Variants in ALDH1A2 observed in about 807,000 individuals in gnomAD.
The protein encoded by ALDH1A2 is retinal dehydrogenase 2.
In ALDH1A2, 27 loss-of-function variants were observed where a neutral mutation model predicts 60.3. The observed-to-expected ratio is 0.45, with a 90% CI of 0.33 to 0.62. ALDH1A2 has a LOEUF of 0.62. Among genes scored for constraint, ALDH1A2 ranks in the 20% least tolerant of loss-of-function variants. ALDH1A2 has a pLI of 0.02. For synonymous variants in ALDH1A2, 289 were observed against 232.4 expected (o/e 1.24, Z -2.21); for missense variants, 581 against 643.8 (o/e 0.90, Z 1.06).
chr15:58,052,673 A>G lies in ALDH1A2; in HGVS notation c.117+12861T>C, dbSNP rs191585986. ...GTTATTTTGTTCATTCGCTAATTCA[A>G]TAAGTATTTATTCAATGCCTGCATA... On this transcript the variant is annotated intron_variant, in intron 1 of 12. Coordinates refer to ENST00000249750, the MANE Select transcript of ALDH1A2 (RefSeq NM_003888.4). Among the ~76,000 whole-genome samples, 110 of 152,278 alleles carry G rather than the reference A, an allele frequency of 7.2e-4. 2 individuals carry two copies. The highest frequency in any genetic ancestry group is 5.8e-3 in the Admixed American group (88 of 15,298).
At chr15:58,060,648 T>C (rs1025425694) in intron 1 of ALDH1A2, among the ~76,000 whole-genome samples, 2 of 152,104 alleles carry the variant, frequency 1.3e-5, no homozygotes, top group African/African-American at 2.4e-5. Context: ...GGCATGCAAG[T>C]TTTTTCTAAA....
intron 7 of ALDH1A2, among the ~76,000 whole-genome samples, chr15:57,976,811 C>G (rs779766217): frequency 4.6e-5 from 7 of 152,168 alleles, no homozygotes; most frequent in Admixed American, 1.3e-4. Context: ...AATGGTATTT[C>G]TAGTTCTAGA....
rs187799039 is a variant in ALDH1A2 at position 58,019,812 on chromosome 15, T to A, written c.118-5531A>T. Among the ~76,000 whole-genome samples, 9 of 152,254 alleles carry A rather than the reference T, an allele frequency of 5.9e-5. No homozygotes were observed. The East Asian group carries it at 9.6e-4, about 16-fold the overall frequency. On this transcript the variant is annotated intron_variant, in intron 1 of 12. Transcript: ENST00000249750. ...AGAGAGGAAATGAATCACTTTCTTTTTTATTATTATTTTTTAAATGTTATT... is the reference window on the plus strand; with the variant it reads ...AGAGAGGAAATGAATCACTTTCTTTATTATTATTATTTTTTAAATGTTATT...
chr15:58,038,773 T>C (rs1276966765), intron 1 of ALDH1A2, among the ~76,000 whole-genome samples: 1 of 151,800 alleles, frequency 6.6e-6, no homozygotes, highest in Non-Finnish European at 1.5e-5. Context: ...TGGTTAATGT[T>C]CATTTCTTCC....
intron 1 of ALDH1A2, chr15:58,038,404 C>T (rs1441780153): frequency 6.6e-6 from 1 of 151,734 alleles, no homozygotes; most frequent in Non-Finnish European, 1.5e-5. Flanking sequence ...CATAAAAACA[C>T]ACCCAAATAA....
At chr15:58,014,413 A>C (rs1399371415) in intron 1 of ALDH1A2, 132 bp from the exon 2 acceptor site, 1 of 812,104 alleles carries the variant, frequency 1.2e-6, no homozygotes, top group African/African-American at 1.7e-5. Context: ...AAGTGTTTTA[A>C]GAGACCCTTC....
At chr15:58,029,458 A>G (rs1188985621) in intron 1 of ALDH1A2, among the ~76,000 whole-genome samples, 2 of 152,096 alleles carry the variant, frequency 1.3e-5, no homozygotes, top group Admixed American at 1.3e-4. Context: ...ATCTAAACTC[A>G]ACCCCCTAAC....
intron 1 of ALDH1A2, among the ~76,000 whole-genome samples, chr15:58,053,630 A>C (rs750813478): frequency 7.9e-5 from 12 of 152,116 alleles, no homozygotes; most frequent in African/African-American, 4.8e-5. Context: ...GAGTTCCAAA[A>C]ATCACTGTTT....
At chr15:57,964,424 C>T in intron 8 of ALDH1A2, 1 of 214,852 alleles carries the variant, frequency 4.7e-6, no homozygotes, top group Non-Finnish European at 9.4e-6. Context: ...AGGAAAGCCA[C>T]TACATTTAAT....
rs1402162112 is a variant in ALDH1A2, at chr15:57,981,313, CACACACACACACACAG to C, written c.798+11376_798+11391del. ...AAACACACACACACACACACACACA[CACACACACACACACAG>C]ACACACACAAACACTGACTGGTAGC... On this transcript the variant is annotated intron_variant, in intron 7 of 12. Coordinates refer to ENST00000249750, the MANE Select transcript of ALDH1A2 (RefSeq NM_003888.4). Among the ~76,000 whole-genome samples, 556 of 151,470 alleles carry C rather than the reference CACACACACACACACAG, an allele frequency of 3.7e-3. 2 individuals carry two copies. The highest frequency in any genetic ancestry group is 0.013 in the African/African-American group (530 of 41,052).
At chr15:58,021,012 T>C (rs1391406090) in intron 1 of ALDH1A2, among the ~76,000 whole-genome samples, 2 of 152,184 alleles carry the variant, frequency 1.3e-5, no homozygotes, top group African/African-American at 4.8e-5. Flanking sequence ...TAATAAAGCT[T>C]CCAATTTTAG....
intron 7 of ALDH1A2, among the ~76,000 whole-genome samples, chr15:57,973,696 T>A (rs1457414692): frequency 6.6e-6 from 1 of 152,230 alleles, no homozygotes; most frequent in Admixed American, 6.5e-5. Flanking sequence ...CCGCTCTCCC[T>A]TAAGTCCTTT....
intron 7 of ALDH1A2, chr15:57,990,488 A>C (rs1297335547): frequency 2.0e-5 from 3 of 152,232 alleles, no homozygotes; most frequent in Non-Finnish European, 2.9e-5. Context: ...TATTCTATGC[A>C]GCTGTTAAAA....
At chr15:58,059,108 A>G (rs1224558125) in intron 1 of ALDH1A2, among the ~76,000 whole-genome samples, 2 of 152,250 alleles carry the variant, frequency 1.3e-5, no homozygotes. Context: ...TCTTAAAGGC[A>G]GACAGTAGAG....
At position 58,010,687 on chromosome 15, in the gene ALDH1A2, C is replaced by T; in HGVS notation, c.455G>A (p.Gly152Asp). The change falls in exon 4 of 13, where the codon GGC (glycine) becomes GAC (aspartate). Residue 152 changes from glycine to aspartate, a missense_variant. This residue lies in a region of ALDH1A2 where 375 missense variants were observed against 469.7 expected (regional missense o/e 0.80). Transcript: ENST00000249750. ...CATCCCATGAATTTTATCAGCCCAG[C>T]CTGCGTAATATCGAAAGGTTTTGAT... ...GVIKTFRYYA[G>D]WADKIHGMTI... is the part of the protein sequence containing the mutation. 6.2e-7 allele frequency: 1 copy of T among 1,613,490 alleles called. No individual in the cohort carries two copies. Among genetic ancestry groups the T allele is most frequent in the South Asian group, 1.1e-5 (1 of 91,058 alleles).
intron 7 of ALDH1A2, among the ~76,000 whole-genome samples, chr15:57,976,508 C>T (rs1894263769): frequency 6.6e-6 from 1 of 152,258 alleles, no homozygotes; most frequent in South Asian, 2.1e-4. Flanking sequence ...TGAATGAGAA[C>T]ATATGGTGTT....
intron 12 of ALDH1A2, among the ~76,000 whole-genome samples, chr15:57,955,899 A>T (rs1202325619): frequency 6.6e-6 from 1 of 151,648 alleles, no homozygotes; most frequent in African/African-American, 2.4e-5. Context: ...CCCTTATCTA[A>T]TCTATTTCAT....
intron 1 of ALDH1A2, among the ~76,000 whole-genome samples, chr15:58,035,045 T>A (rs891200653): frequency 2.6e-5 from 4 of 151,724 alleles, no homozygotes; most frequent in Non-Finnish European, 1.5e-5. Context: ...ATAATTGGTA[T>A]GTTTGTTTGG....
intron 4 of ALDH1A2, among the ~76,000 whole-genome samples, chr15:58,001,644 C>G: frequency 6.6e-6 from 1 of 151,924 alleles, no homozygotes; most frequent in East Asian, 1.9e-4. Context: ...ATCTTTTATG[C>G]TAACAATGGT....
Sources: allele counts gnomAD v4.1 joint callset (sites outside exome capture counted in the v4.1 genomes callset), GRCh38; gene constraint gnomAD v4.1.1; regional missense constraint gnomAD v4.1.1; transcripts MANE v1.5; gene names NCBI Gene and HGNC (gene_info 2026-07-23, HGNC 2026-07-21).